The following CACNA1E variants were observed in gnomAD, a reference collection of about 807,000 sequenced individuals.
CACNA1E encodes the protein calcium voltage-gated channel subunit alpha1 E, also known as voltage-dependent R-type calcium channel subunit alpha-1E.
Under a neutral mutation model 259.2 loss-of-function variants are expected in CACNA1E, and 40 were observed. The ratio of observed to expected loss-of-function variants is 0.15; its 90% CI spans 0.12 to 0.20. The LOEUF (loss-of-function observed/expected upper bound fraction) is 0.20, where lower values mean the gene tolerates loss of function less well. CACNA1E is among the 10% of genes least tolerant of loss of function. The probability of loss-of-function intolerance (pLI) is 1.00; values close to 1 mark genes in which losing one functional copy is unlikely to be tolerated. For synonymous variants in CACNA1E, 1,104 were observed against 1,138.5 expected, an observed-to-expected ratio of 0.97 and a Z score of 0.61; for missense variants, 1,874 against 3,040.1, an observed-to-expected ratio of 0.62 and a Z score of 9.02.
chr1:181,613,285 C>T lies in CACNA1E; in HGVS notation c.951+32509C>T, dbSNP rs886893955. Among the ~76,000 whole-genome samples, 3 of 152,106 alleles carry T rather than the reference C, an allele frequency of 2.0e-5. No individual in the cohort carries two copies. The East Asian group carries it at 5.8e-4, about 29-fold the overall frequency. ...GAGGGCTAGGAGTGCTGACCACCTCCTGGGCAAAAATCCACATATAACTTT... is the reference window on the plus strand; with the variant it reads ...GAGGGCTAGGAGTGCTGACCACCTCTTGGGCAAAAATCCACATATAACTTT... On this transcript the variant is annotated intron_variant, in intron 6 of 47. Transcript: ENST00000367573.
intron 25 of CACNA1E, among the ~76,000 whole-genome samples, chr1:181,743,145 C>T (rs1185481748): frequency 2.0e-5 from 3 of 152,176 alleles, no homozygotes; most frequent in African/African-American, 4.8e-5. Context: ...TTCAGGGCTT[C>T]GTTATTCCGC....
rs760819001 is a variant in CACNA1E, at chr1:181,776,163, C to T, written c.5202C>T (p.Ser1734=). ...DNFEYLTRDS[S]ILGPHHLDEF... ...TTGAGTACCTGACTCGGGACTCCTC[C>T]ATCCTGGGGCCTCACCACTTGGACG... is the stretch of plus-strand genomic sequence containing the variant. The change falls in exon 38 of 48, where the codon TCC becomes TCT. Residue 1734 remains serine, a synonymous_variant. Coordinates refer to ENST00000367573, the MANE Select transcript of CACNA1E (RefSeq NM_001205293.3). The surrounding 1 kb of genome is among the most constrained non-coding windows in gnomAD (Gnocchi z 4.4). 1 of 1,613,812 alleles carries T rather than the reference C, an allele frequency of 6.2e-7. No homozygotes were observed. Among genetic ancestry groups the T allele is most frequent in the African/African-American group, 1.3e-5 (1 of 74,938 alleles).
intron 43 of CACNA1E, among the ~76,000 whole-genome samples, chr1:181,788,594 C>T (rs1661040881): frequency 6.6e-6 from 1 of 152,100 alleles, no homozygotes; most frequent in Non-Finnish European, 1.5e-5. Context: ...CAAGCCTAGC[C>T]TATCCAATGA....
intron 6 of CACNA1E, among the ~76,000 whole-genome samples, chr1:181,611,973 C>T (rs1004868193): frequency 4.6e-5 from 7 of 152,128 alleles, no homozygotes; most frequent in African/African-American, 1.2e-4. Flanking sequence ...TAAAAAAACA[C>T]GCAAGAGAAG....
chr1:181,785,127 G>A (rs1207910657), intron 41 of CACNA1E, among the ~76,000 whole-genome samples, 191 bp from the exon 42 acceptor site: 1 of 152,146 alleles, frequency 6.6e-6, no homozygotes, highest in Non-Finnish European at 1.5e-5. Flanking sequence ...GCCCCCTGAG[G>A]ACAGATCAGG....
At chr1:181,519,753 G>A (rs539057880) in intron 3 of CACNA1E, among the ~76,000 whole-genome samples, 1 of 152,086 alleles carries the variant, frequency 6.6e-6, no homozygotes, top group Admixed American at 6.6e-5. Context: ...CTGCTTCTTG[G>A]TTGTATTTAG....
chr1:181,641,284 G>A (rs922716576), intron 6 of CACNA1E, among the ~76,000 whole-genome samples: 3 of 152,234 alleles, frequency 2.0e-5, no homozygotes, highest in East Asian at 1.9e-4. Flanking sequence ...AATTGGTGGA[G>A]TAAGGGGACA....
At chr1:181,345,069 C>G (rs1652482449) in intron 1 of CACNA1E, among the ~76,000 whole-genome samples, 4 of 152,208 alleles carry the variant, frequency 2.6e-5, no homozygotes, top group African/African-American at 9.7e-5. Context: ...TTAGCCAGCT[C>G]CCTGTTACCC....
In CACNA1E at chr1:181,686,831, G is replaced by T. The variant is rs553311351; in HGVS notation, c.1056-24123G>T. Among the ~76,000 whole-genome samples, 56 of 152,306 alleles carry T rather than the reference G, an allele frequency of 3.7e-4. No individual in the cohort carries two copies. In the Middle Eastern group the frequency reaches 0.01, roughly 28 times the overall value. ...ATGTGAAGAGTTTCCCTGCATGGAG[G>T]TGTTTGGAAAACAGGCTTGTGGGTG... On this transcript the variant is annotated intron_variant, in intron 7 of 47. Coordinates refer to ENST00000367573, the MANE Select transcript of CACNA1E (RefSeq NM_001205293.3).
intron 7 of CACNA1E, among the ~76,000 whole-genome samples, chr1:181,699,505 AG>A (rs1652027424): frequency 6.6e-6 from 1 of 152,190 alleles, no homozygotes; most frequent in African/African-American, 2.4e-5. Flanking sequence ...GCCACAATAA[AG>A]GGTTTGTATT....
intron 1 of CACNA1E, among the ~76,000 whole-genome samples, chr1:181,377,205 A>G (rs762306816): frequency 2.6e-5 from 4 of 152,186 alleles, no homozygotes; most frequent in Non-Finnish European, 5.9e-5. Context: ...TTTTTGAGTA[A>G]TCAGAATAGA....
At chr1:181,788,013 G>C (rs1002571696) in intron 43 of CACNA1E, among the ~76,000 whole-genome samples, 2 of 152,208 alleles carry the variant, frequency 1.3e-5, no homozygotes, top group African/African-American at 4.8e-5. Flanking sequence ...GTGCTTTCTT[G>C]AATTCAGTGT....
rs530381863 is a variant in CACNA1E at position 181,740,180 on chromosome 1, C to T, written c.3719+927C>T. Among the ~76,000 whole-genome samples the T allele has an allele frequency of 2.2e-4, 34 of 152,280 alleles. 1 individual carries two copies. The highest frequency in any genetic ancestry group is 7.9e-4 in the African/African-American group (33 of 41,542). Reference sequence around the variant, plus strand: ...AAGTCTCTCTGAGTACAAGTGGAAGCCTCATCTTTAGGCTAAGCAAGGCTA... The same window carrying T: ...AAGTCTCTCTGAGTACAAGTGGAAGTCTCATCTTTAGGCTAAGCAAGGCTA... On this transcript the variant is annotated intron_variant, in intron 25 of 47. Coordinates refer to ENST00000367573, the MANE Select transcript of CACNA1E (RefSeq NM_001205293.3).
chr1:181,624,112 A>G (rs1655973051), intron 6 of CACNA1E, among the ~76,000 whole-genome samples: 1 of 152,164 alleles, frequency 6.6e-6, no homozygotes, highest in Admixed American at 6.5e-5. Context: ...GGAGGGAGGT[A>G]CCAGGCTCTT....
chr1:181,519,834 A>G (rs1666862224), intron 3 of CACNA1E, among the ~76,000 whole-genome samples: 1 of 152,216 alleles, frequency 6.6e-6, no homozygotes, highest in Admixed American at 6.5e-5. Flanking sequence ...TGCAACTTAC[A>G]TGGAAACAGA....
Position 181,776,493 on chromosome 1 carries a change from T to C in CACNA1E, c.5267+265T>C, listed in dbSNP as rs1659986847. 2 of 365,154 alleles carry C rather than the reference T, an allele frequency of 5.5e-6. No individual in the cohort carries two copies. The highest frequency in any genetic ancestry group is 2.1e-5 in the African/African-American group (1 of 48,152). 22.6% of individuals were successfully genotyped at this position (365,154 alleles called of 1,614,324 possible). A position where few individuals can be genotyped will look rare whatever the true frequency, so the allele number is the denominator to read the frequency against. ...ATCATCCAGTCCTCACCTCAGATTA[T>C]TTGGGCTCAGTCCCAAGAGAACTTT... On this transcript the variant is annotated intron_variant, in intron 38 of 47. Transcript: ENST00000367573. This position sits in a 1 kb window ranked among gnomAD's most constrained non-coding sequence, Gnocchi z 4.4.
At chr1:181,575,549 G>A (rs1045198267) in intron 3 of CACNA1E, among the ~76,000 whole-genome samples, 7 of 151,710 alleles carry the variant, frequency 4.6e-5, no homozygotes, top group Middle Eastern at 3.2e-3. Flanking sequence ...CTACATTTGA[G>A]CCTTCTTTGC....
At chr1:181,780,948 T>G (rs1022660400) in intron 38 of CACNA1E, among the ~76,000 whole-genome samples, 5 of 151,838 alleles carry the variant, frequency 3.3e-5, no homozygotes, top group Admixed American at 2.0e-4. Flanking sequence ...CCAGCCGGGG[T>G]CAGAAACTCC....
At chr1:181,784,519 G>C (rs1003673944) in intron 40 of CACNA1E, 142 bp from the exon 41 acceptor site, 1 of 586,218 alleles carries the variant, frequency 1.7e-6, no homozygotes, top group South Asian at 2.3e-5. Context: ...ACCTGGTATT[G>C]CAAGATCCAC....
Sources: allele counts gnomAD v4.1 joint callset (sites outside exome capture counted in the v4.1 genomes callset), GRCh38; gene constraint gnomAD v4.1.1; non-coding constraint Gnocchi (gnomAD v3.1); transcripts MANE v1.5; gene names NCBI Gene and HGNC (gene_info 2026-07-23, HGNC 2026-07-21).